ZHX2: variants seen among roughly 807,000 people sequenced by gnomAD.
The protein encoded by ZHX2 is zinc fingers and homeoboxes 2, also known as zinc fingers and homeoboxes protein 2.
ZHX2 carries 6 observed loss-of-function variants against 21.9 expected under a neutral mutation model. That is an observed-to-expected ratio of 0.27 (90% CI 0.15 to 0.54). The LOEUF is 0.54. Among genes scored for constraint, ZHX2 ranks in the 20% least tolerant of loss-of-function variants. The probability of loss-of-function intolerance (pLI) is 0.95; values close to 1 mark genes in which losing one functional copy is unlikely to be tolerated. For missense variants in ZHX2, 908 were observed against 1,090.7 expected, an observed-to-expected ratio of 0.83 and a Z score of 2.36; for synonymous variants, 434 against 437.1, an observed-to-expected ratio of 0.99 and a Z score of 0.09.
In ZHX2 at chr8:122,891,285, T is replaced by A. The variant is rs11996564; in HGVS notation, c.-220+27746T>A. Among the ~76,000 whole-genome samples the A allele has an allele frequency of 1.6e-4, 11 of 67,848 alleles. No individual in the cohort carries two copies. In the South Asian group the frequency reaches 6.0e-3, roughly 37 times the overall value. 44.5% of individuals were successfully genotyped at this position (67,848 alleles called of 152,430 possible). ...TCTTGGTAGATTGTGTGTGTGTGTGTGTGTGTGTGTGTGTGTGTGTGTGTG... is the reference window on the plus strand; with the variant it reads ...TCTTGGTAGATTGTGTGTGTGTGTGAGTGTGTGTGTGTGTGTGTGTGTGTG... On this transcript the variant is annotated intron_variant, in intron 2 of 3. Coordinates refer to ENST00000314393, the MANE Select transcript of ZHX2 (RefSeq NM_014943.5).
chr8:122,811,367 C>T (rs188337666), intron 1 of ZHX2, among the ~76,000 whole-genome samples: 2 of 152,110 alleles, frequency 1.3e-5, no homozygotes, highest in Admixed American at 6.5e-5. Context: ...GGTGACAGAG[C>T]GAGACCCTGT....
At chr8:122,811,305 C>G (rs553824197) in intron 1 of ZHX2, among the ~76,000 whole-genome samples, 6 of 152,124 alleles carry the variant, frequency 3.9e-5, no homozygotes, top group Non-Finnish European at 8.8e-5. Context: ...TGCGTGAGCC[C>G]AGGAGGTCGA....
At chr8:122,789,417 G>T (rs1393306966) in intron 1 of ZHX2, among the ~76,000 whole-genome samples, 1 of 152,240 alleles carries the variant, frequency 6.6e-6, no homozygotes, top group Non-Finnish European at 1.5e-5. Flanking sequence ...ACCCCCCAGG[G>T]ATCTCCATAG....
chr8:122,947,665 A>G (rs868078543), intron 2 of ZHX2, among the ~76,000 whole-genome samples: 1 of 152,068 alleles, frequency 6.6e-6, no homozygotes, highest in Non-Finnish European at 1.5e-5. Flanking sequence ...TGTTTTGCAG[A>G]GGGGCAGCTG....
chr8:122,879,972 C>CT (rs35351207), intron 2 of ZHX2, among the ~76,000 whole-genome samples: 73,676 of 126,328 alleles, frequency 0.58, 22,009 homozygotes, highest in East Asian at 0.76. Context: ...CTATTGTTAC[C>CT]TTTTTTTTTT....
intron 1 of ZHX2, among the ~76,000 whole-genome samples, chr8:122,841,970 C>A (rs565099020): frequency 1.3e-5 from 2 of 152,294 alleles, no homozygotes; most frequent in South Asian, 2.1e-4. Flanking sequence ...CCCTTATGGT[C>A]AGCTCTGGGG....
intron 1 of ZHX2, among the ~76,000 whole-genome samples, chr8:122,860,048 T>G (rs1281236120): frequency 1.3e-5 from 2 of 152,216 alleles, no homozygotes; most frequent in East Asian, 3.8e-4. Context: ...GAGGTTTAAT[T>G]GACTCACAGT....
At chr8:122,958,663 A>G (rs995772010) in intron 3 of ZHX2, among the ~76,000 whole-genome samples, 3 of 152,202 alleles carry the variant, frequency 2.0e-5, no homozygotes, top group Non-Finnish European at 4.4e-5. Context: ...AAGACCTTGG[A>G]GGCCACCTCT....
chr8:122,881,844 C>A (rs772397649), intron 2 of ZHX2, among the ~76,000 whole-genome samples: 5 of 152,146 alleles, frequency 3.3e-5, no homozygotes, highest in Non-Finnish European at 7.4e-5. Context: ...CAAGCCACTG[C>A]GCGACTCTCA....
At chr8:122,910,250 A>T (rs970328602) in intron 2 of ZHX2, among the ~76,000 whole-genome samples, 1 of 152,146 alleles carries the variant, frequency 6.6e-6, no homozygotes, top group African/African-American at 2.4e-5. Context: ...TTCAGTCCCC[A>T]CTATGACTCT....
chr8:122,946,798 G>A (rs1337742174), intron 2 of ZHX2, among the ~76,000 whole-genome samples: 5 of 152,086 alleles, frequency 3.3e-5, no homozygotes, highest in African/African-American at 9.7e-5. Context: ...CCACAGAATT[G>A]TAGAGTCTCC....
chr8:122,964,776 CT>C (rs1261853792), intron 3 of ZHX2, among the ~76,000 whole-genome samples: 1 of 151,662 alleles, frequency 6.6e-6, no homozygotes, highest in South Asian at 2.1e-4. Flanking sequence ...TGGTCCTGGA[CT>C]TTTTTTTGTT....
intron 2 of ZHX2, among the ~76,000 whole-genome samples, chr8:122,905,216 A>G (rs1035929466): frequency 6.6e-6 from 1 of 152,264 alleles, no homozygotes; most frequent in African/African-American, 2.4e-5. Flanking sequence ...TACAGGATGA[A>G]TCCAAATAAA....
Position 122,806,991 on chromosome 8 carries a change from G to A in ZHX2, c.-283+25045G>A, listed in dbSNP as rs138492194. Among the ~76,000 whole-genome samples, 201 of 152,296 alleles carry A rather than the reference G, an allele frequency of 1.3e-3. 1 individual carries two copies. The highest frequency in any genetic ancestry group is 3.7e-3 in the African/African-American group (155 of 41,568). Reference sequence around the variant, plus strand: ...CTCATGCCAGTTCGTCCCACTGGTAGAGCTCACTGGTAGAGGGTGGAGGGC... The same window carrying A: ...CTCATGCCAGTTCGTCCCACTGGTAAAGCTCACTGGTAGAGGGTGGAGGGC... On this transcript the variant is annotated intron_variant, in intron 1 of 3. Transcript: ENST00000314393.
chr8:122,881,707 G>A (rs566078828), intron 2 of ZHX2, among the ~76,000 whole-genome samples: 1 of 152,204 alleles, frequency 6.6e-6, no homozygotes, highest in South Asian at 2.1e-4. Flanking sequence ...CTTGCCCAAG[G>A]CCACCCTGCA....
intron 2 of ZHX2, among the ~76,000 whole-genome samples, chr8:122,891,990 G>C (rs1819991192): frequency 6.6e-6 from 1 of 152,200 alleles, no homozygotes. Context: ...TTTCTGCCTA[G>C]ATGGTCTGTC....
intron 1 of ZHX2, among the ~76,000 whole-genome samples, chr8:122,793,839 A>G (rs1817568918): frequency 6.6e-6 from 1 of 152,204 alleles, no homozygotes; most frequent in Non-Finnish European, 1.5e-5. Flanking sequence ...TGGCAGGGCC[A>G]TGGGACCAAT....
chr8:122,800,370 T>C (rs1227180537), intron 1 of ZHX2, among the ~76,000 whole-genome samples: 5 of 152,184 alleles, frequency 3.3e-5, no homozygotes, highest in Non-Finnish European at 7.3e-5. Context: ...TTGTCCCTAG[T>C]GTTTCTGCTG....
chr8:122,891,414 CTGTTT>C (rs1173321204), intron 2 of ZHX2, among the ~76,000 whole-genome samples: 1 of 151,628 alleles, frequency 6.6e-6, no homozygotes, highest in African/African-American at 2.4e-5. Flanking sequence ...TTTCTAATCT[CTGTTT>C]TGTTTATTTC....
Sources: gnomAD v4.1 joint callset for allele counts (sites outside exome capture counted in the v4.1 genomes callset) on GRCh38, gnomAD v4.1.1 for gene constraint, MANE v1.5 for transcripts, NCBI Gene and HGNC (gene_info 2026-07-23, HGNC 2026-07-21) for gene names.